The following ATG4C variants were observed in gnomAD, a reference collection of about 807,000 sequenced individuals.
The protein encoded by ATG4C is cysteine protease ATG4C.
ATG4C carries 56 observed loss-of-function variants against 57.6 expected under a neutral mutation model. The observed-to-expected ratio is 0.97, with a 90% CI of 0.78 to 1.21. The LOEUF (loss-of-function observed/expected upper bound fraction) is 1.21, where lower values mean the gene tolerates loss of function less well. ATG4C is among the 50% of genes most tolerant of loss of function. The pLI is 0.00. For missense variants in ATG4C, 595 were observed against 529.8 expected, an observed-to-expected ratio of 1.12 and a Z score of -1.21; for synonymous variants, 157 against 174.1, an observed-to-expected ratio of 0.90 and a Z score of 0.78.
At chr1:62,857,121 C>A (rs1051294405) in intron 10 of ATG4C, among the ~76,000 whole-genome samples, 1 of 152,112 alleles carries the variant, frequency 6.6e-6, no homozygotes, top group Admixed American at 6.5e-5. Flanking sequence ...CAGGGGCCCC[C>A]AGCCCCTGGA....
chr1:62,784,677 A>G (rs1273031555), intron 1 of ATG4C, among the ~76,000 whole-genome samples: 1 of 152,134 alleles, frequency 6.6e-6, no homozygotes, highest in Non-Finnish European at 1.5e-5. Context: ...CTGGATCCCC[A>G]CTGTCTCTCT....
chr1:62,832,476 G>A (rs1665873124), intron 7 of ATG4C, among the ~76,000 whole-genome samples: 1 of 152,178 alleles, frequency 6.6e-6, no homozygotes, highest in African/African-American at 2.4e-5. Flanking sequence ...CCGAAAGAGG[G>A]CGAACTCTGT....
chr1:62,784,902 A>G (rs1481907934), intron 1 of ATG4C, among the ~76,000 whole-genome samples: 1 of 152,186 alleles, frequency 6.6e-6, no homozygotes, highest in African/African-American at 2.4e-5. Flanking sequence ...TGATGACTAT[A>G]TTCATATATG....
At chr1:62,812,813 C>T (rs575966822) in intron 3 of ATG4C, among the ~76,000 whole-genome samples, 1 of 152,286 alleles carries the variant, frequency 6.6e-6, no homozygotes, top group African/African-American at 2.4e-5. Context: ...CGCAAGCATT[C>T]CTATATACCA....
At chr1:62,809,943 G>C (rs1012360050) in intron 3 of ATG4C, among the ~76,000 whole-genome samples, 1 of 152,072 alleles carries the variant, frequency 6.6e-6, no homozygotes, top group Non-Finnish European at 1.5e-5. Flanking sequence ...TGAAGAAATA[G>C]GAACTGAAAC....
rs186213425 is a variant in ATG4C, at chr1:62,815,059, T to C, written c.161-1516T>C. Reference sequence around the variant, plus strand: ...CAGCCTGGGTGACAGAACGAGACTCTTTCTCAAAAACTAAAAATAAATAAA... The same window carrying C: ...CAGCCTGGGTGACAGAACGAGACTCCTTCTCAAAAACTAAAAATAAATAAA... On this transcript the variant is annotated intron_variant, in intron 3 of 10. Transcript: ENST00000317868. 4.6e-5 allele frequency among the ~76,000 whole-genome samples: 7 copies of C among 152,202 alleles called. No individual in the cohort carries two copies. The East Asian group carries it at 1.2e-3, about 25-fold the overall frequency.
intron 3 of ATG4C, among the ~76,000 whole-genome samples, chr1:62,805,744 T>C (rs1205254247): frequency 1.3e-5 from 2 of 152,186 alleles, no homozygotes; most frequent in South Asian, 2.1e-4. Context: ...TTAGGAAATA[T>C]CTTTAATTCT....
At chr1:62,805,396 T>C (rs948478847) in intron 3 of ATG4C, 141 bp downstream of exon 3, 1 of 1,210,364 alleles carries the variant, frequency 8.3e-7, no homozygotes, top group Non-Finnish European at 1.1e-6. Context: ...AATATATTAC[T>C]ATGTTGTTTG....
At position 62,803,859 on chromosome 1, in the gene ATG4C, T is replaced by A. The variant is rs766511615; in HGVS notation, c.73T>A (p.Tyr25Asn). Residue 25 changes from tyrosine (Y) to asparagine (N), a missense_variant, in exon 2 of 11, where the codon TAT (tyrosine) becomes AAT (asparagine). Physicochemically the swap from Tyr to Asn is moderately radical, Grantham distance 143 (BLOSUM62 -2). Transcript: ENST00000317868. ...KFISAWNNMK[Y>N]SWVLKTKTYF... ...TATATCTGCTTGGAACAACATGAAA[T>A]ATAGTAAGTATCATGTTTTAAAAAT... 1.3e-6 allele frequency: 2 copies of A among 1,543,288 alleles called. No individual in the cohort carries two copies. Among genetic ancestry groups the A allele is most frequent in the South Asian group, 2.3e-5 (2 of 85,714 alleles).
In ATG4C at chr1:62,785,875, A is replaced by G. The variant is rs542590266; in HGVS notation, c.-69+1602A>G. Among the ~76,000 whole-genome samples, 392 of 152,268 alleles carry G rather than the reference A, an allele frequency of 2.6e-3. 3 individuals carry two copies. In the South Asian group the frequency reaches 0.039, roughly 15 times the overall value. On this transcript the variant is annotated intron_variant, in intron 1 of 10. Transcript: ENST00000317868. ...TATTTCAGAATAAATTTACTCATAT[A>G]ATTTTTTATTGAAAAAAATGATACG...
intron 1 of ATG4C, among the ~76,000 whole-genome samples, chr1:62,793,382 C>T (rs1348334173): frequency 6.6e-6 from 1 of 150,386 alleles, no homozygotes; most frequent in Non-Finnish European, 1.5e-5. Context: ...GAGGCTGAGG[C>T]GGGCGGATCA....
intron 1 of ATG4C, among the ~76,000 whole-genome samples, chr1:62,801,508 C>T (rs1355199953): frequency 1.3e-5 from 2 of 152,074 alleles, no homozygotes; most frequent in African/African-American, 4.8e-5. Context: ...CGTGGTGGCT[C>T]GCGCCTGTAA....
At chr1:62,798,148 T>A (rs1444301800) in intron 1 of ATG4C, among the ~76,000 whole-genome samples, 1 of 152,152 alleles carries the variant, frequency 6.6e-6, no homozygotes, top group Non-Finnish European at 1.5e-5. Flanking sequence ...ACCCCAAGAT[T>A]TAAAAAATAA....
chr1:62,830,457 A>G (rs1665806711), intron 7 of ATG4C, among the ~76,000 whole-genome samples: 1 of 152,132 alleles, frequency 6.6e-6, no homozygotes, highest in African/African-American at 2.4e-5. Context: ...CCTTTAGCCA[A>G]AGCTTCATTC....
At chr1:62,803,112 T>G (rs901244695) in intron 1 of ATG4C, among the ~76,000 whole-genome samples, 3 of 152,212 alleles carry the variant, frequency 2.0e-5, no homozygotes, top group Non-Finnish European at 4.4e-5. Flanking sequence ...TGAGCTACAT[T>G]TATTCTATTT....
At chr1:62,796,870 G>A (rs1664487249) in intron 1 of ATG4C, among the ~76,000 whole-genome samples, 1 of 152,216 alleles carries the variant, frequency 6.6e-6, no homozygotes, top group Non-Finnish European at 1.5e-5. Context: ...CATTTTGGGA[G>A]GCCAACGTGG....
In ATG4C at chr1:62,832,878, TATTC is replaced by T. The variant is rs1048470610; in HGVS notation, c.934-1157_934-1154del. On this transcript the variant is annotated intron_variant, in intron 7 of 10. Coordinates refer to ENST00000317868, the MANE Select transcript of ATG4C (RefSeq NM_032852.4). ...ATCTCTATTTATTGATAGGAAAAGATATTCATGACATAATGAGCAACAAAAGGTT... is the reference window on the plus strand; with the variant it reads ...ATCTCTATTTATTGATAGGAAAAGATATGACATAATGAGCAACAAAAGGTT... 3.9e-5 allele frequency among the ~76,000 whole-genome samples: 6 copies of T among 152,326 alleles called. No individual in the cohort carries two copies. In the East Asian group the frequency reaches 1.2e-3, roughly 29 times the overall value.
chr1:62,864,021 T>A lies in ATG4C; in HGVS notation c.1239T>A (p.Tyr413Ter). Reference sequence around the variant, plus strand: ...TGAAATTTTCTTCTAAGGAGAAATATCCCTTATTTACTTTTGTAAATGGTC... The same window carrying A: ...TGAAATTTTCTTCTAAGGAGAAATAACCCTTATTTACTTTTGTAAATGGTC... Reference protein sequence around the residue: ...KMLKFSSKEKYPLFTFVNGHS... With the variant: ...KMLKFSSKEK The change falls in exon 11 of 11, where the codon TAT becomes TAA. Residue 413 changes from tyrosine (Y) to a stop codon, truncating the protein, a stop_gained. Coordinates refer to ENST00000317868, the MANE Select transcript of ATG4C (RefSeq NM_032852.4). LOFTEE classifies it high-confidence loss of function. 1 of 1,581,000 alleles carries A rather than the reference T, an allele frequency of 6.3e-7. No homozygotes were observed. Among genetic ancestry groups the A allele is most frequent in the South Asian group, 1.2e-5 (1 of 85,500 alleles).
intron 4 of ATG4C, among the ~76,000 whole-genome samples, chr1:62,817,431 G>A (rs1192638746): frequency 2.6e-5 from 4 of 152,006 alleles, no homozygotes; most frequent in African/African-American, 7.2e-5. Flanking sequence ...TTGCAACTTC[G>A]AACTCCTGTG....
Sources: allele counts gnomAD v4.1 joint callset (sites outside exome capture counted in the v4.1 genomes callset), GRCh38; gene constraint gnomAD v4.1.1; transcripts MANE v1.5; gene names NCBI Gene and HGNC (gene_info 2026-07-23, HGNC 2026-07-21).